TRIM9: variants seen among roughly 807,000 people sequenced by gnomAD.
TRIM9 encodes tripartite motif containing 9.
TRIM9 carries 26 observed loss-of-function variants against 78.3 expected under a neutral mutation model. That is an observed-to-expected ratio of 0.33 (90% CI 0.24 to 0.46). The LOEUF is 0.46. Ranked by LOEUF, TRIM9 falls within the 20% of genes least tolerant of loss-of-function variation. The probability of loss-of-function intolerance (pLI) is 1.00; values close to 1 mark genes in which losing one functional copy is unlikely to be tolerated. For synonymous variants in TRIM9, 398 were observed against 416.5 expected (o/e 0.96, Z 0.54); for missense variants, 787 against 1,036.4 (o/e 0.76, Z 3.30).
chr14:51,078,073 T>C (rs190746068), intron 1 of TRIM9, among the ~76,000 whole-genome samples: 2 of 152,348 alleles, frequency 1.3e-5, no homozygotes, highest in Admixed American at 6.5e-5. Flanking sequence ...GATGAGCCAG[T>C]GGTCTCATCA....
chr14:51,093,359 G>C, intron 1 of TRIM9, among the ~76,000 whole-genome samples: 1 of 152,238 alleles, frequency 6.6e-6, no homozygotes, highest in East Asian at 1.9e-4. Context: ...GTTGGGAGGA[G>C]AAGGTTTCCC....
chr14:51,038,378 T>C (rs1312203278), intron 1 of TRIM9, among the ~76,000 whole-genome samples: 3 of 152,230 alleles, frequency 2.0e-5, no homozygotes, highest in Non-Finnish European at 4.4e-5. Context: ...CTAAGTTTTT[T>C]GTACTGTTTC....
At chr14:50,993,446 G>A (rs918172305) in intron 7 of TRIM9, among the ~76,000 whole-genome samples, 17 of 150,774 alleles carry the variant, frequency 1.1e-4, no homozygotes, top group East Asian at 3.9e-4. Context: ...TCAGCTCACC[G>A]CAACCTCTGC....
intron 1 of TRIM9, among the ~76,000 whole-genome samples, chr14:51,026,595 T>C (rs566387821): frequency 2.6e-5 from 4 of 152,254 alleles, no homozygotes; most frequent in African/African-American, 7.2e-5. Flanking sequence ...ATCTACCCTT[T>C]CCTTTCTGTA....
chr14:50,982,560 T>C, intron 10 of TRIM9: 1 of 316,880 alleles, frequency 3.2e-6, no homozygotes, highest in South Asian at 5.6e-5. Context: ...TCGGCAGAAG[T>C]GCTAACATCT....
chr14:51,083,308 T>C (rs916282027), intron 1 of TRIM9, among the ~76,000 whole-genome samples: 18 of 152,150 alleles, frequency 1.2e-4, no homozygotes, highest in African/African-American at 4.3e-4. Flanking sequence ...GCTGCATGCA[T>C]TGGTGTAATC....
In TRIM9 at chr14:50,980,372, T is replaced by C. The variant is rs146122049; in HGVS notation, c.2163-823A>G. Among the ~76,000 whole-genome samples the C allele has an allele frequency of 6.1e-3, 927 of 152,352 alleles. 10 individuals carry two copies. The highest frequency in any genetic ancestry group is 0.048 in the Middle Eastern group (14 of 294). ...CGATCAGATTTGTCTTTCCCATTTT[T>C]TTGAGATCTAGCAATATTGAACTTC... On this transcript the variant is annotated intron_variant, in intron 11 of 12. Coordinates refer to ENST00000684578, the MANE Select transcript of TRIM9 (RefSeq NM_001387360.1).
rs562733767 is a variant in TRIM9 at position 51,025,128 on chromosome 14, T to A, written c.918+137A>T. The A allele has an allele frequency of 9.9e-5, 76 of 771,216 alleles. No individual in the cohort carries two copies. The East Asian group carries it at 1.8e-3, about 19-fold the overall frequency. 47.8% of individuals were successfully genotyped at this position (771,216 alleles called of 1,614,324 possible). On this transcript the variant is annotated intron_variant, in intron 2 of 12. Transcript: ENST00000684578. ...TTTGAAGTTGATCTCTATGTGTTTGTATGTAAAGAACAACAACAACCACAA... is the reference window on the plus strand; with the variant it reads ...TTTGAAGTTGATCTCTATGTGTTTGAATGTAAAGAACAACAACAACCACAA...
At chr14:51,039,509 A>T (rs572748504) in intron 1 of TRIM9, among the ~76,000 whole-genome samples, 1 of 152,170 alleles carries the variant, frequency 6.6e-6, no homozygotes, top group African/African-American at 2.4e-5. Flanking sequence ...TAAAAACACT[A>T]TGTTGAGCAA....
Position 51,094,958 on chromosome 14 carries a change from A to C in TRIM9, c.-19T>G. The C allele has an allele frequency of 7.1e-7, 1 of 1,414,336 alleles. No homozygotes were observed. Among genetic ancestry groups the C allele is most frequent in the Non-Finnish European group, 9.3e-7 (1 of 1,080,756 alleles). The allele number at this position is 1,414,336 out of a possible 1,614,324, so 87.6% of individuals were successfully genotyped here. On this transcript the variant is annotated 5_prime_UTR_variant, in exon 1 of 13. Transcript: ENST00000684578. ...CCTCCATGGGGACCGGTCTGGGAGG[A>C]GACAGCGACGGCTGCAGCGGGTGCC...
At chr14:51,016,208 T>C (rs1208534922) in intron 3 of TRIM9, among the ~76,000 whole-genome samples, 1 of 152,204 alleles carries the variant, frequency 6.6e-6, no homozygotes, top group East Asian at 1.9e-4. Context: ...TATATTGTAT[T>C]GTTTAGGCAA....
chr14:51,028,724 C>G (rs1055489496), intron 1 of TRIM9, among the ~76,000 whole-genome samples: 1 of 152,124 alleles, frequency 6.6e-6, no homozygotes, highest in Non-Finnish European at 1.5e-5. Context: ...AAAGGTGTCA[C>G]GATCTGAAGG....
intron 2 of TRIM9, among the ~76,000 whole-genome samples, chr14:51,024,800 A>G (rs1434746773): frequency 6.6e-6 from 1 of 152,152 alleles, no homozygotes; most frequent in African/African-American, 2.4e-5. Context: ...AAAAAGAGGA[A>G]GAAGGAACAA....
intron 1 of TRIM9, among the ~76,000 whole-genome samples, chr14:51,028,520 T>C (rs1197322942): frequency 6.6e-6 from 1 of 152,228 alleles, no homozygotes; most frequent in Non-Finnish European, 1.5e-5. Flanking sequence ...ATGTTCTGCA[T>C]TCAGGACCAC....
chr14:51,073,173 T>C (rs1304916222), intron 1 of TRIM9, among the ~76,000 whole-genome samples: 3 of 152,198 alleles, frequency 2.0e-5, no homozygotes, highest in African/African-American at 7.2e-5. Context: ...TAATAGCAAG[T>C]GCTGGTGAGA....
At chr14:50,996,477 A>G in intron 7 of TRIM9, 1 of 985,486 alleles carries the variant, frequency 1.0e-6, no homozygotes, top group Non-Finnish European at 1.2e-6. Context: ...TATGATTCCC[A>G]TGATGTATTA....
intron 1 of TRIM9, among the ~76,000 whole-genome samples, chr14:51,031,176 A>G (rs886700656): frequency 1.3e-5 from 2 of 150,664 alleles, no homozygotes; most frequent in African/African-American, 4.9e-5. Flanking sequence ...GAAAGAAAAG[A>G]AAAGAAAGAA....
intron 1 of TRIM9, among the ~76,000 whole-genome samples, chr14:51,052,336 T>G (rs1323851919): frequency 6.6e-6 from 1 of 152,182 alleles, no homozygotes; most frequent in Non-Finnish European, 1.5e-5. Flanking sequence ...GCGAATATAA[T>G]AAGAAATTAC....
At chr14:51,076,708 C>T (rs2062812501) in intron 1 of TRIM9, among the ~76,000 whole-genome samples, 1 of 152,206 alleles carries the variant, frequency 6.6e-6, no homozygotes, top group South Asian at 2.1e-4. Context: ...TCATTCCTTT[C>T]ATCTTCGCAA....
Sources: gnomAD v4.1 joint callset for allele counts (sites outside exome capture counted in the v4.1 genomes callset) on GRCh38, gnomAD v4.1.1 for gene constraint, MANE v1.5 for transcripts, NCBI Gene and HGNC (gene_info 2026-07-23, HGNC 2026-07-21) for gene names.